Variants in CHL1 observed in about 807,000 individuals in gnomAD.
CHL1 encodes the protein neural cell adhesion molecule L1-like protein.
Under a neutral mutation model 141.9 loss-of-function variants are expected in CHL1, and 96 were observed. That is an observed-to-expected ratio of 0.68 (90% confidence interval 0.57 to 0.80). The LOEUF (loss-of-function observed/expected upper bound fraction) is 0.80, where lower values mean the gene tolerates loss of function less well. Among genes scored for constraint, CHL1 ranks in the 30% least tolerant of loss-of-function variants. The pLI is 0.00. For synonymous variants in CHL1, 613 were observed against 502.2 expected, an observed-to-expected ratio of 1.22 and a Z score of -2.95; for missense variants, 1,820 against 1,457.2, an observed-to-expected ratio of 1.25 and a Z score of -4.05.
At chr3:322,615 A>C (rs1343521982) in intron 3 of CHL1, among the ~76,000 whole-genome samples, 3 of 141,916 alleles carry the variant, frequency 2.1e-5, no homozygotes, top group African/African-American at 8.0e-5. Flanking sequence ...ATGTAATGAG[A>C]CCTCATCTCT....
Position 287,996 on chromosome 3 carries a change from G to C in CHL1, c.-94-31687G>C, listed in dbSNP as rs182049297. Among the ~76,000 whole-genome samples the C allele has an allele frequency of 8.0e-4, 122 of 152,290 alleles. 1 individual carries two copies. The highest frequency in any genetic ancestry group is 2.9e-3 in the African/African-American group (119 of 41,560). On this transcript the variant is annotated intron_variant, in intron 2 of 27. Coordinates refer to ENST00000256509, the MANE Select transcript of CHL1 (RefSeq NM_006614.4). ...TTGGCCAGGCTGGTCTCAAACTCCT[G>C]ACCTCGGGCAATCTGCCCACCTTAG...
At chr3:303,748 C>A (rs949359847) in intron 2 of CHL1, among the ~76,000 whole-genome samples, 6 of 152,186 alleles carry the variant, frequency 3.9e-5, no homozygotes, top group African/African-American at 7.2e-5. Flanking sequence ...CTGGCCGGAA[C>A]TTCCAATACT....
chr3:288,051 A>G (rs1238474771), intron 2 of CHL1, among the ~76,000 whole-genome samples: 3 of 152,332 alleles, frequency 2.0e-5, no homozygotes, highest in African/African-American at 4.8e-5. Context: ...TACAGGCATG[A>G]GCCACTATGA....
At chr3:305,383 C>G (rs1382407736) in intron 2 of CHL1, among the ~76,000 whole-genome samples, 1 of 151,876 alleles carries the variant, frequency 6.6e-6, no homozygotes, top group African/African-American at 2.4e-5. Context: ...TAATATATAT[C>G]CAATAAATGA....
chr3:338,865 C>A (rs114226854), intron 5 of CHL1, among the ~76,000 whole-genome samples: 1,738 of 152,220 alleles, frequency 0.011, 31 homozygotes, highest in African/African-American at 0.04. Flanking sequence ...GATGATAATG[C>A]TTCAGTGGCA....
intron 2 of CHL1, among the ~76,000 whole-genome samples, chr3:283,135 C>G (rs530290234): frequency 1.5e-4 from 23 of 152,272 alleles, no homozygotes; most frequent in Middle Eastern, 3.4e-3. Context: ...GAAACACAAA[C>G]CTTTCATTTG....
chr3:328,917 G>A (rs1701221522), intron 5 of CHL1, among the ~76,000 whole-genome samples: 1 of 152,118 alleles, frequency 6.6e-6, no homozygotes, highest in Non-Finnish European at 1.5e-5. Context: ...TGTTTTGTTA[G>A]GTGGGGCAAA....
chr3:245,472 T>C (rs925678301), intron 2 of CHL1, among the ~76,000 whole-genome samples: 1 of 152,150 alleles, frequency 6.6e-6, no homozygotes, highest in African/African-American at 2.4e-5. Flanking sequence ...GTTCAGTAAG[T>C]GCCAATAATT....
chr3:216,539 G>C (rs1700337304), intron 1 of CHL1, among the ~76,000 whole-genome samples: 5 of 152,128 alleles, frequency 3.3e-5, no homozygotes, highest in Admixed American at 3.3e-4. Flanking sequence ...CACCAACCCT[G>C]TCTATTAAAA....
chr3:293,755 G>T (rs966110977), intron 2 of CHL1, among the ~76,000 whole-genome samples: 2 of 151,630 alleles, frequency 1.3e-5, no homozygotes, highest in African/African-American at 4.8e-5. Context: ...ATTTACTTAT[G>T]TGTGTTAAAT....
At chr3:389,107 C>A in intron 19 of CHL1, 145 bp from the exon 20 acceptor site, 1 of 696,566 alleles carries the variant, frequency 1.4e-6, no homozygotes. Context: ...TCACAACTGT[C>A]TCTAAACCAA....
intron 2 of CHL1, among the ~76,000 whole-genome samples, chr3:269,083 T>C (rs1306142602): frequency 6.6e-6 from 1 of 152,198 alleles, no homozygotes; most frequent in African/African-American, 2.4e-5. Context: ...ATGGTCAGAA[T>C]CCTGTCTCAG....
At chr3:221,281 T>C (rs574244885) in intron 1 of CHL1, among the ~76,000 whole-genome samples, 4 of 152,302 alleles carry the variant, frequency 2.6e-5, no homozygotes, top group Admixed American at 6.5e-5. Context: ...TCGGAATAAA[T>C]CTCATCAAAT....
intron 15 of CHL1, among the ~76,000 whole-genome samples, chr3:370,916 C>T (rs1050446753): frequency 2.0e-5 from 3 of 151,980 alleles, no homozygotes; most frequent in Non-Finnish European, 4.4e-5. Flanking sequence ...TGTGGTTTTG[C>T]GTGAGTTTCT....
intron 2 of CHL1, among the ~76,000 whole-genome samples, chr3:284,956 G>A (rs1159215666): frequency 2.0e-5 from 3 of 152,048 alleles, no homozygotes; most frequent in African/African-American, 4.8e-5. Flanking sequence ...AATGTATTCT[G>A]CATTTTTATT....
chr3:380,300 G>A (rs1706877010), intron 16 of CHL1, among the ~76,000 whole-genome samples: 1 of 152,158 alleles, frequency 6.6e-6, no homozygotes, highest in Admixed American at 6.5e-5. Flanking sequence ...GATGCTTTTT[G>A]TCAATGTAAA....
intron 2 of CHL1, among the ~76,000 whole-genome samples, chr3:261,393 C>G (rs1025484296): frequency 5.3e-5 from 8 of 151,942 alleles, no homozygotes; most frequent in African/African-American, 1.9e-4. Flanking sequence ...AGAGCCTTCT[C>G]AAATTCAGAA....
At chr3:276,922 TG>T (rs894934175) in intron 2 of CHL1, among the ~76,000 whole-genome samples, 3 of 143,792 alleles carry the variant, frequency 2.1e-5, no homozygotes, top group African/African-American at 7.7e-5. Flanking sequence ...AAAAAGAGTA[TG>T]GGCTCCGGGC....
At chr3:359,995 A>G (rs1368588682) in intron 11 of CHL1, among the ~76,000 whole-genome samples, 1 of 152,182 alleles carries the variant, frequency 6.6e-6, no homozygotes, top group African/African-American at 2.4e-5. Flanking sequence ...TGCCTAAAGG[A>G]TAATCCAGAA....
Sources: gnomAD v4.1 joint callset for allele counts (sites outside exome capture counted in the v4.1 genomes callset) on GRCh38, gnomAD v4.1.1 for gene constraint, MANE v1.5 for transcripts, NCBI Gene and HGNC (gene_info 2026-07-23, HGNC 2026-07-21) for gene names.